The following TJP1 variants were observed in gnomAD, a reference collection of about 807,000 sequenced individuals.
The protein encoded by TJP1 is tight junction protein ZO-1.
A neutral mutation model predicts 194.2 loss-of-function variants in TJP1; 43 were observed. The observed-to-expected ratio is 0.22, with a 90% CI of 0.17 to 0.29. The LOEUF is 0.29. TJP1 is among the 10% of genes least tolerant of loss of function. The pLI, the probability that TJP1 is intolerant of heterozygous loss-of-function variation, is 1.00. For missense variants in TJP1, 1,971 were observed against 2,185.7 expected, an observed-to-expected ratio of 0.90 and a Z score of 1.96; for synonymous variants, 801 against 779.0, an observed-to-expected ratio of 1.03 and a Z score of -0.47.
intron 2 of TJP1, among the ~76,000 whole-genome samples, chr15:29,914,944 C>G (rs1402633938): frequency 6.6e-6 from 1 of 152,160 alleles, no homozygotes; most frequent in Non-Finnish European, 1.5e-5. Flanking sequence ...ACAATACAAC[C>G]TCAGTCAGTT....
At chr15:29,725,949 T>C (rs1207382877) in intron 18 of TJP1, among the ~76,000 whole-genome samples, 4 of 152,292 alleles carry the variant, frequency 2.6e-5, no homozygotes, top group South Asian at 2.1e-4. Flanking sequence ...CTTGCCTTCA[T>C]AGTGCCTTCT....
chr15:29,718,191 TA>T, intron 21 of TJP1, 73 bp from the exon 22 acceptor site: 2 of 1,587,874 alleles, frequency 1.3e-6, no homozygotes, highest in Non-Finnish European at 1.7e-6. Flanking sequence ...AGATATCATG[TA>T]ATGGCGGAGG....
At chr15:29,862,494 C>T (rs2052116937) in intron 2 of TJP1, among the ~76,000 whole-genome samples, 1 of 152,028 alleles carries the variant, frequency 6.6e-6, no homozygotes, top group African/African-American at 2.4e-5. Flanking sequence ...AAAAGCCTCT[C>T]AGCTGGAATG....
chr15:29,831,060 A>C (rs1272718015), intron 2 of TJP1, among the ~76,000 whole-genome samples: 1 of 152,236 alleles, frequency 6.6e-6, no homozygotes, highest in Non-Finnish European at 1.5e-5. Flanking sequence ...GCAGGAAAGC[A>C]AGAGAGCCCC....
chr15:29,758,210 T>C (rs1015780000), intron 8 of TJP1, among the ~76,000 whole-genome samples: 6 of 152,162 alleles, frequency 3.9e-5, no homozygotes, highest in Admixed American at 6.5e-5. Flanking sequence ...AGGTGGATTT[T>C]TGACTGTGTG....
chr15:29,952,251 T>C (rs1015863094), intron 2 of TJP1, among the ~76,000 whole-genome samples: 13 of 152,224 alleles, frequency 8.5e-5, no homozygotes, highest in Admixed American at 4.6e-4. Context: ...CAGAACAGAA[T>C]TGTTGAGTCC....
At position 29,900,430 on chromosome 15, in the gene TJP1, T is replaced by C. The variant is rs558764333; in HGVS notation, c.306+55802A>G. On this transcript the variant is annotated intron_variant, in intron 2 of 28. Coordinates refer to the TJP1 transcript ENST00000356107. ...GGAACAGGCTGCAACAGGGCAAGTGTCACAGCAGAAGCTACTAGGAGGCTA... is the reference window on the plus strand; with the variant it reads ...GGAACAGGCTGCAACAGGGCAAGTGCCACAGCAGAAGCTACTAGGAGGCTA... Among the ~76,000 whole-genome samples the C allele has an allele frequency of 3.3e-5, 5 of 152,296 alleles. No homozygotes were observed. The East Asian group carries it at 9.7e-4, about 29-fold the overall frequency.
intron 23 of TJP1, among the ~76,000 whole-genome samples, chr15:29,715,907 T>C (rs1012159948): frequency 2.6e-5 from 4 of 152,224 alleles, no homozygotes; most frequent in African/African-American, 7.2e-5. Context: ...TTTTGTTCTA[T>C]TGAGGTATGA....
chr15:29,962,001 C>T (rs529517079), intron 1 of TJP1, among the ~76,000 whole-genome samples: 1 of 152,358 alleles, frequency 6.6e-6, no homozygotes, highest in African/African-American at 2.4e-5. Flanking sequence ...ACCAATCCAA[C>T]TCCACCCATT....
At chr15:29,744,745 T>TCA (rs1345834468) in intron 8 of TJP1, among the ~76,000 whole-genome samples, 1 of 152,078 alleles carries the variant, frequency 6.6e-6, no homozygotes, top group Non-Finnish European at 1.5e-5. Context: ...GAGAACAGTA[T>TCA]CATAAAACCC....
At position 29,927,290 on chromosome 15, in the gene TJP1, AGCCTGGGT is replaced by A. The variant is rs566406083; in HGVS notation, c.306+28934_306+28941del. ...AGCTGAGATCACAGCACTGCACTCC[AGCCTGGGT>A]GACAAAGCAAGACTCTGCCTCAAAA... On this transcript the variant is annotated intron_variant, in intron 2 of 28. Transcript: ENST00000356107. Among the ~76,000 whole-genome samples, 215 of 152,336 alleles carry A rather than the reference AGCCTGGGT, an allele frequency of 1.4e-3. 2 individuals carry two copies. Among genetic ancestry groups the A allele is most frequent in the African/African-American group, 4.9e-3 (205 of 41,574 alleles).
intron 2 of TJP1, among the ~76,000 whole-genome samples, chr15:29,796,272 G>C (rs1162118106): frequency 6.6e-6 from 1 of 150,828 alleles, no homozygotes; most frequent in Non-Finnish European, 1.5e-5. Flanking sequence ...CCTACACATA[G>C]GAAAACACCC....
intron 2 of TJP1, among the ~76,000 whole-genome samples, chr15:29,844,521 A>G (rs1270204593): frequency 6.6e-6 from 1 of 152,104 alleles, no homozygotes; most frequent in East Asian, 1.9e-4. Flanking sequence ...GTGCTGCTGG[A>G]CTCCAGACAC....
intron 8 of TJP1, among the ~76,000 whole-genome samples, chr15:29,753,063 C>T (rs1191602168): frequency 2.0e-5 from 3 of 152,220 alleles, no homozygotes; most frequent in African/African-American, 7.2e-5. Flanking sequence ...TTCACTATTA[C>T]ACTACCCTGA....
chr15:29,708,810 T>G lies in TJP1; in HGVS notation c.4599A>C (p.Thr1533=). The change falls in exon 25 of 28, where the codon ACA becomes ACC. Residue 1533 remains threonine, a synonymous_variant. Coordinates refer to ENST00000614355, the MANE Select transcript of TJP1 (RefSeq NM_001330239.4). ...TGCGTTCAAATGGTCGGGCAGAACTTGTATATGGTTTTGGTGTGAATCGAT... is the reference window on the plus strand; with the variant it reads ...TGCGTTCAAATGGTCGGGCAGAACTGGTATATGGTTTTGGTGTGAATCGAT... ...AYNRFTPKPY[T]SSARPFERKF... 1 of 1,614,170 alleles carries G rather than the reference T, an allele frequency of 6.2e-7. No homozygotes were observed. Among genetic ancestry groups the G allele is most frequent in the Non-Finnish European group, 8.5e-7 (1 of 1,180,032 alleles).
At chr15:29,829,896 A>G (rs1348214809) in intron 2 of TJP1, among the ~76,000 whole-genome samples, 2 of 152,116 alleles carry the variant, frequency 1.3e-5, no homozygotes, top group Non-Finnish European at 2.9e-5. Context: ...GAAAACTAAG[A>G]ACAAGTAATA....
At chr15:29,905,180 T>C (rs1326454947) in intron 2 of TJP1, among the ~76,000 whole-genome samples, 3 of 152,190 alleles carry the variant, frequency 2.0e-5, no homozygotes, top group Admixed American at 2.0e-4. Flanking sequence ...TCAGGCCTGT[T>C]GGCAAAAGCA....
At chr15:29,834,515 C>T (rs753149136) in intron 2 of TJP1, among the ~76,000 whole-genome samples, 2 of 152,204 alleles carry the variant, frequency 1.3e-5, no homozygotes, top group Non-Finnish European at 2.9e-5. Flanking sequence ...ACCGCACAGC[C>T]GGCCTGAGAT....
intron 9 of TJP1, among the ~76,000 whole-genome samples, chr15:29,742,341 T>A (rs998353743): frequency 1.3e-5 from 2 of 152,210 alleles, no homozygotes; most frequent in African/African-American, 2.4e-5. Context: ...CTTTTCTTTT[T>A]AAATTTTTGA....
Sources: gnomAD v4.1 joint callset for allele counts (sites outside exome capture counted in the v4.1 genomes callset) on GRCh38, gnomAD v4.1.1 for gene constraint, MANE v1.5 for transcripts, NCBI Gene and HGNC (gene_info 2026-07-23, HGNC 2026-07-21) for gene names.